The following DUSP4 variants were observed in gnomAD, a reference collection of about 807,000 sequenced individuals.
DUSP4 encodes the protein dual specificity protein phosphatase 4.
In DUSP4, 12 loss-of-function variants were observed where a neutral mutation model predicts 27.2. The observed-to-expected ratio is 0.44, with a 90% CI of 0.28 to 0.71. The LOEUF is 0.71. DUSP4 is among the 30% of genes least tolerant of loss of function. The pLI is 0.14. For synonymous variants in DUSP4, 257 were observed against 245.2 expected (o/e 1.05, Z -0.45); for missense variants, 448 against 551.3 (o/e 0.81, Z 1.88).
intron 1 of DUSP4, among the ~76,000 whole-genome samples, chr8:29,344,767 T>C (rs1817703547): frequency 1.3e-5 from 2 of 152,042 alleles, no homozygotes; most frequent in South Asian, 4.1e-4. Flanking sequence ...ATCACCATAA[T>C]AGGACTGTTA....
At chr8:29,347,701 C>A in intron 1 of DUSP4, 1 of 966,754 alleles carries the variant, frequency 1.0e-6, no homozygotes. Context: ...CTACGAGAGG[C>A]AGTGCAGGCT....
At position 29,348,240 on chromosome 8, in the gene DUSP4, C is replaced by G. The variant is rs368605763; in HGVS notation, c.433+1606G>C. On this transcript the variant is annotated intron_variant, in intron 1 of 3. Transcript: ENST00000240100. ...GTGCGGGGAACATCCCGGCCAGCCC[C>G]GGCCATTCGAGGGGACTTGCGTCCC... is the stretch of plus-strand genomic sequence containing the variant. 7.8e-5 allele frequency: 77 copies of G among 985,588 alleles called. No individual in the cohort carries two copies. In the African/African-American group the frequency reaches 1.1e-3, roughly 14 times the overall value. The allele number at this position is 985,588 out of a possible 1,614,324, so 61.1% of individuals were successfully genotyped here. A position where few individuals can be genotyped will look rare whatever the true frequency, so the allele number is the denominator to read the frequency against.
chr8:29,344,847 T>TC (rs377281472), intron 1 of DUSP4, among the ~76,000 whole-genome samples: 159 of 149,644 alleles, frequency 1.1e-3, no homozygotes, highest in African/African-American at 3.0e-3. Context: ...TTTTTTTTTT[T>TC]CCCCAGACAG....
At chr8:29,342,107 G>A (rs1337581491) in intron 1 of DUSP4, among the ~76,000 whole-genome samples, 1 of 152,122 alleles carries the variant, frequency 6.6e-6, no homozygotes, top group African/African-American at 2.4e-5. Context: ...TGGCCCAGGA[G>A]TGCCAGGGCA....
rs202225558 is a variant in DUSP4, at chr8:29,340,087, C to A, written c.579+11G>T. The stretch of plus-strand genomic sequence containing the variant: ...TGCCCCCCACTTCCAAGCCCTGCCC[C>A]CCGAGTCTACCTGGTCGTGTAGTGG... On this transcript the variant is annotated intron_variant, in intron 2 of 3. Coordinates refer to ENST00000240100, the MANE Select transcript of DUSP4 (RefSeq NM_001394.7). 58 of 1,557,374 alleles carry A rather than the reference C, an allele frequency of 3.7e-5. No homozygotes were observed. The highest frequency in any genetic ancestry group is 5.0e-5 in the Non-Finnish European group (57 of 1,150,594).
chr8:29,349,245 G>A (rs1013200689), intron 1 of DUSP4, among the ~76,000 whole-genome samples: 1 of 152,254 alleles, frequency 6.6e-6, no homozygotes, highest in African/African-American at 2.4e-5. Context: ...AGCCCGGGAC[G>A]GGGATTGGCC....
At chr8:29,345,560 C>G in intron 1 of DUSP4, 2 of 1,529,548 alleles carry the variant, frequency 1.3e-6, no homozygotes, top group Non-Finnish European at 1.7e-6. Flanking sequence ...CAGGAACTGC[C>G]TCCCGGTAAG....
intron 2 of DUSP4, 84 bp from the exon 3 acceptor site, chr8:29,338,585 G>A (rs1414834099): frequency 6.9e-7 from 1 of 1,458,722 alleles, no homozygotes; most frequent in Non-Finnish European, 9.3e-7. Context: ...TCTGAGAAGA[G>A]CTTTCCTTTC....
In DUSP4 at chr8:29,350,562, C is replaced by T. The variant is rs1817808822; in HGVS notation, c.-284G>A. ...AGGAGAGTGTGTTTACGAGAGAGGA[C>T]CGCGGACTCTTTTCGGCGACGGCCT... is the stretch of plus-strand genomic sequence containing the variant. On this transcript the variant is annotated 5_prime_UTR_variant, in exon 1 of 4. Transcript: ENST00000240100. The T allele has an allele frequency of 1.7e-5, 7 of 404,418 alleles. No homozygotes were observed. Among genetic ancestry groups the T allele is most frequent in the Non-Finnish European group, 2.6e-5 (6 of 229,354 alleles). 25.1% of individuals were successfully genotyped at this position (404,418 alleles called of 1,614,324 possible). A position where few individuals can be genotyped will look rare whatever the true frequency, so the allele number is the denominator to read the frequency against.
chr8:29,348,768 G>A (rs986516341), intron 1 of DUSP4: 2 of 985,298 alleles, frequency 2.0e-6, no homozygotes, highest in Admixed American at 6.1e-5. Context: ...CGGGGGGGAG[G>A]AGCGGCTCTT....
At position 29,349,909 on chromosome 8, in the gene DUSP4, C is replaced by A; in HGVS notation, c.370G>T (p.Val124Leu). The A allele has an allele frequency of 1.3e-6, 2 of 1,570,470 alleles. No individual in the cohort carries two copies. The highest frequency in any genetic ancestry group is 4.6e-5 in the East Asian group (2 of 43,808). Residue 124 changes from valine (V) to leucine (L), a missense_variant, in exon 1 of 4, where the codon GTG becomes TTG. This residue lies in a region of DUSP4 where 345 missense variants were observed against 394.0 expected (regional missense o/e 0.88). Coordinates refer to ENST00000240100, the MANE Select transcript of DUSP4 (RefSeq NM_001394.7). ...RAESLREDST[V>L]SLVVQALRRN... ...CGCAGCGCCTGCACCACCAGCGACA[C>A]GGTGCTGTCCTCGCGGAGGCTCTCG...
chr8:29,345,143 G>A (rs919293415), intron 1 of DUSP4, among the ~76,000 whole-genome samples: 6 of 152,112 alleles, frequency 3.9e-5, no homozygotes, highest in Non-Finnish European at 8.8e-5. Flanking sequence ...ATCTTAATGT[G>A]GCTGCCACTT....
Position 29,350,262 on chromosome 8 carries a change from T to A in DUSP4, c.17A>T (p.Glu6Val), listed in dbSNP as rs549768488. The change falls in exon 1 of 4, where the codon GAG becomes GTG. Residue 6 changes from glutamate (E) to valine (V), a missense_variant. Glu to Val is a moderately radical substitution (Grantham distance 121, BLOSUM62 -2). This residue lies in a region of DUSP4 where 345 missense variants were observed against 394.0 expected (regional missense o/e 0.88). Coordinates refer to ENST00000240100, the MANE Select transcript of DUSP4 (RefSeq NM_001394.7). MVTME[E>V]LREMDCSVLK... is the part of the protein sequence containing the mutation. ...CACACTGCAGTCCATCTCCCGCAGC[T>A]CCTCCATCGTCACCATGGTCGCCGG... The A allele has an allele frequency of 6.3e-6, 10 of 1,580,686 alleles. No homozygotes were observed. The South Asian group carries it at 1.0e-4, about 16-fold the overall frequency.
chr8:29,344,794 G>A (rs1817703915), intron 1 of DUSP4, among the ~76,000 whole-genome samples: 1 of 151,612 alleles, frequency 6.6e-6, no homozygotes, highest in Non-Finnish European at 1.5e-5. Flanking sequence ...TTTGTGATGG[G>A]GAAGACTGTC....
In DUSP4 at chr8:29,350,502, G is replaced by A; in HGVS notation, c.-224C>T. Reference sequence around the variant, plus strand: ...CGGAGCGGCCTCGGGCGCCCAGCCGGGCGGCGCGCAGAGCGGAGGGGGAGG... The same window carrying A: ...CGGAGCGGCCTCGGGCGCCCAGCCGAGCGGCGCGCAGAGCGGAGGGGGAGG... On this transcript the variant is annotated 5_prime_UTR_variant, in exon 1 of 4. Transcript: ENST00000240100. 3.6e-6 allele frequency: 2 copies of A among 562,454 alleles called. No homozygotes were observed. Among genetic ancestry groups the A allele is most frequent in the Non-Finnish European group, 6.0e-6 (2 of 332,620 alleles). 34.8% of individuals were successfully genotyped at this position (562,454 alleles called of 1,614,324 possible). A position where few individuals can be genotyped will look rare whatever the true frequency, so the allele number is the denominator to read the frequency against.
intron 1 of DUSP4, among the ~76,000 whole-genome samples, chr8:29,341,299 C>T (rs963951675): frequency 6.6e-6 from 1 of 152,206 alleles, no homozygotes; most frequent in Non-Finnish European, 1.5e-5. Flanking sequence ...GCTACCTTTG[C>T]GGTCTTCATG....
intron 1 of DUSP4, 65 bp from the exon 2 acceptor site, chr8:29,340,308 C>A: frequency 1.3e-6 from 2 of 1,530,990 alleles, no homozygotes; most frequent in Admixed American, 2.1e-5. Context: ...AGAAAGAACT[C>A]GACTCCTACA....
rs532674518 is a variant in DUSP4, at chr8:29,337,704, C to T, written c.800-293G>A. 1.3e-5 allele frequency among the ~76,000 whole-genome samples: 2 copies of T among 152,308 alleles called. No homozygotes were observed. Among genetic ancestry groups the T allele is most frequent in the East Asian group, 3.9e-4 (2 of 5,182 alleles). Reference sequence around the variant, plus strand: ...AGGGTGGTGGCTCACTCCTGTAATCCCAGCGCTTTGGGAGGCCAAGGAGGG... The same window carrying T: ...AGGGTGGTGGCTCACTCCTGTAATCTCAGCGCTTTGGGAGGCCAAGGAGGG... On this transcript the variant is annotated intron_variant, in intron 3 of 3. Coordinates refer to ENST00000240100, the MANE Select transcript of DUSP4 (RefSeq NM_001394.7). The surrounding 1 kb of genome is among the most constrained non-coding windows in gnomAD (Gnocchi z 6.4).
At chr8:29,348,791 G>C (rs1817777103) in intron 1 of DUSP4, 1 of 985,182 alleles carries the variant, frequency 1.0e-6, no homozygotes, top group Admixed American at 6.1e-5. Flanking sequence ...ATGGGTGTGG[G>C]GGGGTCTGAA....
Sources: allele counts gnomAD v4.1 joint callset (sites outside exome capture counted in the v4.1 genomes callset), GRCh38; gene constraint gnomAD v4.1.1; regional missense constraint gnomAD v4.1.1; non-coding constraint Gnocchi (gnomAD v3.1); transcripts MANE v1.5; gene names NCBI Gene and HGNC (gene_info 2026-07-23, HGNC 2026-07-21).